ASAP2: variants seen among roughly 807,000 people sequenced by gnomAD.
The protein encoded by ASAP2 is arf-GAP with SH3 domain, ANK repeat and PH domain-containing protein 2.
In ASAP2, 45 loss-of-function variants were observed where a neutral mutation model predicts 131.4. The ratio of observed to expected loss-of-function variants is 0.34; its 90% CI spans 0.27 to 0.44. The LOEUF (loss-of-function observed/expected upper bound fraction) is 0.44. ASAP2 is among the 20% of genes least tolerant of loss of function. ASAP2 has a pLI of 1.00. For missense variants in ASAP2, 1,011 were observed against 1,297.0 expected (o/e 0.78, Z 3.39); for synonymous variants, 510 against 503.0 (o/e 1.01, Z -0.19).
At chr2:9,285,761 G>T (rs778903472) in intron 2 of ASAP2, among the ~76,000 whole-genome samples, 5 of 152,182 alleles carry the variant, frequency 3.3e-5, no homozygotes, top group Non-Finnish European at 7.3e-5. Context: ...CACTTCTCTA[G>T]AATTATTCTG....
intron 9 of ASAP2, among the ~76,000 whole-genome samples, chr2:9,339,595 G>A (rs2148584056): frequency 6.6e-6 from 1 of 152,194 alleles, no homozygotes; most frequent in Non-Finnish European, 1.5e-5. Flanking sequence ...ATACCGTAGT[G>A]ACCAAATTCC....
intron 3 of ASAP2, among the ~76,000 whole-genome samples, chr2:9,300,106 G>A (rs1253674593): frequency 1.3e-5 from 2 of 152,182 alleles, no homozygotes; most frequent in Non-Finnish European, 2.9e-5. Flanking sequence ...GGTGGCTCAC[G>A]GCTGTAGTCC....
At chr2:9,325,416 TACAA>T (rs1350468060) in intron 6 of ASAP2, among the ~76,000 whole-genome samples, 2 of 152,254 alleles carry the variant, frequency 1.3e-5, no homozygotes, top group African/African-American at 4.8e-5. Context: ...AGTAGCATTT[TACAA>T]ACAATCAGGG....
chr2:9,365,952 T>C (rs745646222), intron 15 of ASAP2, among the ~76,000 whole-genome samples: 2 of 152,076 alleles, frequency 1.3e-5, no homozygotes, highest in Non-Finnish European at 2.9e-5. Flanking sequence ...CTCCATCCAG[T>C]CTGGCTCAAT....
At chr2:9,390,963 G>A in intron 22 of ASAP2, 99 bp from the exon 23 acceptor site, 1 of 1,576,790 alleles carries the variant, frequency 6.3e-7, no homozygotes, top group East Asian at 2.2e-5. Context: ...CGTTTCATAA[G>A]GGGGAGGATC....
chr2:9,297,490 A>G, intron 3 of ASAP2, 45 bp downstream of exon 3: 1 of 1,608,786 alleles, frequency 6.2e-7, no homozygotes, highest in African/African-American at 1.3e-5. Context: ...TTCAGTTGGG[A>G]AAGTGGCTCA....
chr2:9,350,726 T>G, intron 11 of ASAP2, 82 bp from the exon 12 acceptor site: 7 of 1,174,090 alleles, frequency 6.0e-6, no homozygotes, highest in Non-Finnish European at 8.5e-6. Flanking sequence ...TGTTGCTGTA[T>G]CTCGTGAGGA....
chr2:9,209,461 TGA>T (rs779445786), intron 1 of ASAP2, among the ~76,000 whole-genome samples: 20 of 152,224 alleles, frequency 1.3e-4, no homozygotes, highest in Non-Finnish European at 2.5e-4. Context: ...AGACGAAACA[TGA>T]GAGGGTATCA....
chr2:9,258,244 CAA>C (rs34722605), intron 1 of ASAP2, among the ~76,000 whole-genome samples: 1 of 129,656 alleles, frequency 7.7e-6, no homozygotes. Flanking sequence ...TACTTCATCT[CAA>C]AAAAAAAAAA....
intron 1 of ASAP2, among the ~76,000 whole-genome samples, chr2:9,210,252 C>A (rs1661439477): frequency 6.6e-6 from 1 of 152,238 alleles, no homozygotes; most frequent in Non-Finnish European, 1.5e-5. Flanking sequence ...CAAGTTCAGG[C>A]TCTACAGCTT....
rs1675307336 is a variant in ASAP2, at chr2:9,386,997, G to T, written c.2131-1297G>T. ...AGGCGGGCGGATCACGAGGTCAGGA[G>T]ATTGAGACCATCTTGGCTAACACGG... On this transcript the variant is annotated intron_variant, in intron 21 of 27. Coordinates refer to ENST00000281419, the MANE Select transcript of ASAP2 (RefSeq NM_003887.3). Among the ~76,000 whole-genome samples the T allele has an allele frequency of 2.0e-5, 3 of 151,254 alleles. No homozygotes were observed. In the Admixed American group the frequency reaches 2.0e-4, roughly 10 times the overall value.
intron 3 of ASAP2, 62 bp downstream of exon 3, chr2:9,297,507 G>A: frequency 6.3e-7 from 1 of 1,584,046 alleles, no homozygotes; most frequent in East Asian, 2.2e-5. Flanking sequence ...CTCAGTAGAG[G>A]ATAGTTATGG....
intron 12 of ASAP2, among the ~76,000 whole-genome samples, chr2:9,352,631 G>T (rs1035407900): frequency 2.0e-5 from 3 of 152,182 alleles, no homozygotes; most frequent in Non-Finnish European, 4.4e-5. Context: ...TCAGTAGACG[G>T]CAAGTGTGCA....
intron 7 of ASAP2, among the ~76,000 whole-genome samples, 161 bp from the exon 8 acceptor site, chr2:9,334,577 T>C (rs1671073119): frequency 6.6e-6 from 1 of 152,262 alleles, no homozygotes; most frequent in Non-Finnish European, 1.5e-5. Context: ...AGTGTCATTT[T>C]ATTCTTGGTT....
chr2:9,388,682 A>C, intron 22 of ASAP2, 136 bp downstream of exon 22: 2 of 1,291,172 alleles, frequency 1.5e-6, no homozygotes, highest in Non-Finnish European at 2.1e-6. Context: ...TTTGCTTCCT[A>C]AAGGGATTCC....
Position 9,218,764 on chromosome 2 carries a change from A to T in ASAP2, c.126+11534A>T, listed in dbSNP as rs539054797. On this transcript the variant is annotated intron_variant, in intron 1 of 27. Transcript: ENST00000281419. ...TTCCATGTCTGCTGCTGTCTGCAAC[A>T]CTTCCCCTGCCTCTTGCCACCCTTG... 1.5e-3 allele frequency among the ~76,000 whole-genome samples: 235 copies of T among 152,288 alleles called. 1 individual carries two copies. Among genetic ancestry groups the T allele is most frequent in the South Asian group, 0.013 (63 of 4,822 alleles).
rs1252599088 is a variant in ASAP2 at position 9,318,424 on chromosome 2, G to A, written c.346-100G>A. The A allele has an allele frequency of 3.6e-6, 3 of 844,122 alleles. No individual in the cohort carries two copies. The African/African-American group carries it at 5.1e-5, about 14-fold the overall frequency. 52.3% of individuals were successfully genotyped at this position (844,122 alleles called of 1,614,324 possible). A position where few individuals can be genotyped will look rare whatever the true frequency, so the allele number is the denominator to read the frequency against. Reference sequence around the variant, plus strand: ...ATGCACCGGCCAGGTTTTAGGTGGAGGTGAATCATTATCAAATGTTCTCTC... The same window carrying A: ...ATGCACCGGCCAGGTTTTAGGTGGAAGTGAATCATTATCAAATGTTCTCTC... On this transcript the variant is annotated intron_variant, in intron 3 of 27. Transcript: ENST00000281419.
intron 1 of ASAP2, among the ~76,000 whole-genome samples, chr2:9,218,995 G>T (rs367645105): frequency 6.0e-4 from 91 of 152,290 alleles, no homozygotes; most frequent in African/African-American, 2.2e-3. Context: ...AGATTGGGCC[G>T]AATGAGGCCG....
chr2:9,358,501 C>G (rs983550770), intron 14 of ASAP2, among the ~76,000 whole-genome samples: 1 of 152,082 alleles, frequency 6.6e-6, no homozygotes, highest in African/African-American at 2.4e-5. Context: ...TTTATTTTTG[C>G]ACACACAGCA....
Sources: gnomAD v4.1 joint callset for allele counts (sites outside exome capture counted in the v4.1 genomes callset) on GRCh38, gnomAD v4.1.1 for gene constraint, MANE v1.5 for transcripts, NCBI Gene and HGNC (gene_info 2026-07-23, HGNC 2026-07-21) for gene names.